Variants in BLNK observed in about 807,000 individuals in gnomAD.
BLNK encodes B cell linker.
In BLNK, 29 loss-of-function variants were observed where a neutral mutation model predicts 73.5. The observed-to-expected ratio is 0.39, with a 90% CI of 0.29 to 0.54. The LOEUF (loss-of-function observed/expected upper bound fraction) is 0.54. Among genes scored for constraint, BLNK ranks in the 20% least tolerant of loss-of-function variants. The probability of loss-of-function intolerance (pLI) is 0.61; values close to 1 mark genes in which losing one functional copy is unlikely to be tolerated. For synonymous variants in BLNK, 176 were observed against 200.8 expected, an observed-to-expected ratio of 0.88 and a Z score of 1.04; for missense variants, 460 against 562.8, an observed-to-expected ratio of 0.82 and a Z score of 1.85.
Position 96,190,078 on chromosome 10 carries a change from C to A in BLNK, c.*1895G>T. 1 of 859,018 alleles carries A rather than the reference C, an allele frequency of 1.2e-6. No individual in the cohort carries two copies. The highest frequency in any genetic ancestry group is 2.0e-6 in the Non-Finnish European group (1 of 506,344). The allele number at this position is 859,018 out of a possible 1,614,324, so 53.2% of individuals were successfully genotyped here. On this transcript the variant is annotated 3_prime_UTR_variant, in exon 17 of 17. Transcript: ENST00000224337. ...TTCATCCTTTGCACCAGCCCCTAAACTGACCGTTCTTAAGGATAACTGGTG... is the reference window on the plus strand; with the variant it reads ...TTCATCCTTTGCACCAGCCCCTAAAATGACCGTTCTTAAGGATAACTGGTG...
intron 3 of BLNK, among the ~76,000 whole-genome samples, chr10:96,240,914 G>T (rs1375531758): frequency 6.6e-6 from 1 of 152,224 alleles, no homozygotes; most frequent in African/African-American, 2.4e-5. Flanking sequence ...GGAAGAATGT[G>T]TTTGTTCTCA....
intron 13 of BLNK, chr10:96,203,791 A>C: frequency 3.3e-6 from 1 of 304,994 alleles, no homozygotes. Flanking sequence ...GTAAAAAAAA[A>C]AAAAGTTAAA....
At chr10:96,253,196 T>C (rs912404637) in intron 1 of BLNK, among the ~76,000 whole-genome samples, 2 of 152,224 alleles carry the variant, frequency 1.3e-5, no homozygotes, top group East Asian at 3.8e-4. Context: ...CTTACTATAT[T>C]GTGAATATTT....
intron 13 of BLNK, among the ~76,000 whole-genome samples, chr10:96,201,738 G>GCATT (rs59428057): frequency 0.58 from 80,517 of 138,430 alleles, 23,317 homozygotes; most frequent in Middle Eastern, 0.69. Context: ...AGACTTATCT[G>GCATT]CATTCATTCA....
chr10:96,197,350 G>A (rs1486737095), intron 15 of BLNK, among the ~76,000 whole-genome samples: 2 of 152,158 alleles, frequency 1.3e-5, no homozygotes, highest in African/African-American at 2.4e-5. Context: ...TGTTGCCCAG[G>A]CTGGTGTGCA....
At position 96,238,828 on chromosome 10, in the gene BLNK, G is replaced by T. The variant is rs17111504; in HGVS notation, c.163+3907C>A. 146 of 275,284 alleles carry T rather than the reference G, an allele frequency of 5.3e-4. 1 individual carries two copies. In the South Asian group the frequency reaches 0.023, roughly 44 times the overall value. The allele number at this position is 275,284 out of a possible 1,614,324, so 17.1% of individuals were successfully genotyped here. On this transcript the variant is annotated intron_variant, in intron 3 of 16. Transcript: ENST00000224337. The stretch of plus-strand genomic sequence containing the variant: ...AACATCAATGGATTTGCAGGGGTCA[G>T]GGATTGAGGGAATAAAATCTACGTG...
chr10:96,260,219 A>G (rs1554912377), intron 1 of BLNK, among the ~76,000 whole-genome samples: 1 of 152,232 alleles, frequency 6.6e-6, no homozygotes, highest in Admixed American at 6.5e-5. Flanking sequence ...TAGATGACAC[A>G]GACTCTTGGG....
intron 1 of BLNK, 78 bp from the exon 2 acceptor site, chr10:96,247,127 T>C (rs1053286851): frequency 2.0e-6 from 2 of 1,015,546 alleles, no homozygotes; most frequent in Non-Finnish European, 2.9e-6. Flanking sequence ...TCTTCTCGAA[T>C]ACAAAAAAGG....
chr10:96,261,689 C>T (rs971138632), intron 1 of BLNK, among the ~76,000 whole-genome samples: 2 of 152,084 alleles, frequency 1.3e-5, no homozygotes, highest in Admixed American at 1.3e-4. Flanking sequence ...TATATATGTA[C>T]AGAGTTCATT....
chr10:96,260,807 T>A (rs1843721327), intron 1 of BLNK, among the ~76,000 whole-genome samples: 1 of 152,176 alleles, frequency 6.6e-6, no homozygotes, highest in Admixed American at 6.5e-5. Flanking sequence ...TCTACAAATG[T>A]TTGTCAATAA....
At chr10:96,225,476 G>A (rs1320148811) in intron 5 of BLNK, among the ~76,000 whole-genome samples, 2 of 152,114 alleles carry the variant, frequency 1.3e-5, no homozygotes, top group Admixed American at 6.5e-5. Context: ...TGGTGGTGTG[G>A]CTGTACTCAG....
chr10:96,267,418 C>T (rs1844052459), intron 1 of BLNK, among the ~76,000 whole-genome samples: 3 of 152,148 alleles, frequency 2.0e-5, no homozygotes, highest in East Asian at 1.9e-4. Context: ...AGGATACCAT[C>T]GACCAAAACA....
intron 15 of BLNK, chr10:96,199,594 T>C: frequency 2.2e-6 from 1 of 451,008 alleles, no homozygotes; most frequent in Admixed American, 2.4e-5. Flanking sequence ...GAGGAGGGGA[T>C]AGCAGTTTCT....
rs782190491 is a variant in BLNK at position 96,200,113 on chromosome 10, G to T, written c.1057C>A (p.Arg353=). 1.2e-6 allele frequency: 2 copies of T among 1,613,938 alleles called. No individual in the cohort carries two copies. The highest frequency in any genetic ancestry group is 1.1e-5 in the South Asian group (1 of 91,058). ...TGCAATGCCTCTTCAGCAGACTTTC[G>T]ATCACAGGCTCCAGCATACCATGGC... ...CKPWYAGACD[R]KSAEEALHRS... The change falls in exon 15 of 17, where the codon CGA becomes AGA. Residue 353 remains arginine (R), a synonymous_variant. Transcript: ENST00000224337. The surrounding 1 kb of genome is among the most constrained non-coding windows in gnomAD (Gnocchi z 4.3).
chr10:96,215,438 A>C, intron 7 of BLNK, 49 bp from the exon 8 acceptor site: 1 of 1,502,176 alleles, frequency 6.7e-7, no homozygotes, highest in South Asian at 1.2e-5. Flanking sequence ...TATACATAAA[A>C]CCATTACAGA....
Position 96,204,107 on chromosome 10 carries a change from G to C in BLNK, c.903-19C>G, listed in dbSNP as rs782569622. The C allele has an allele frequency of 6.2e-7, 1 of 1,613,468 alleles. No homozygotes were observed. The highest frequency in any genetic ancestry group is 8.5e-7 in the Non-Finnish European group (1 of 1,179,578). On this transcript the variant is annotated intron_variant, in intron 12 of 16. Coordinates refer to ENST00000224337, the MANE Select transcript of BLNK (RefSeq NM_013314.4). ...GATTTGTCTGCAAGAAAGAATTTCA[G>C]ATAATTAAAGGACAAAGCACAATAT...
chr10:96,234,259 A>G (rs10882755), intron 3 of BLNK, among the ~76,000 whole-genome samples: 109,737 of 152,148 alleles, frequency 0.72, 41,824 homozygotes, highest in Non-Finnish European at 0.84. Flanking sequence ...AGCATCATAC[A>G]GTATGGGATA....
At chr10:96,204,407 A>C in intron 12 of BLNK, 125 bp downstream of exon 12, 1 of 1,152,916 alleles carries the variant, frequency 8.7e-7, no homozygotes, top group Non-Finnish European at 1.3e-6. Flanking sequence ...ACGTAACTGC[A>C]AAACAATGAA....
Position 96,224,094 on chromosome 10 carries a change from A to G in BLNK, c.362-105T>C, listed in dbSNP as rs2084264867. 5 of 1,326,472 alleles carry G rather than the reference A, an allele frequency of 3.8e-6. No homozygotes were observed. In the South Asian group the frequency reaches 6.2e-5, roughly 17 times the overall value. 82.2% of individuals were successfully genotyped at this position (1,326,472 alleles called of 1,614,324 possible). Reference sequence around the variant, plus strand: ...AGTATAAAACCACGGGTGTCTATGTAGCCACAAATGATCCACGGGGCATTC... The same window carrying G: ...AGTATAAAACCACGGGTGTCTATGTGGCCACAAATGATCCACGGGGCATTC... On this transcript the variant is annotated intron_variant, in intron 5 of 16. Coordinates refer to ENST00000224337, the MANE Select transcript of BLNK (RefSeq NM_013314.4).
Sources: allele counts gnomAD v4.1 joint callset (sites outside exome capture counted in the v4.1 genomes callset), GRCh38; gene constraint gnomAD v4.1.1; non-coding constraint Gnocchi (gnomAD v3.1); transcripts MANE v1.5; gene names NCBI Gene and HGNC (gene_info 2026-07-23, HGNC 2026-07-21).